GRIA3: variants seen among roughly 807,000 people sequenced by gnomAD.
GRIA3 encodes the protein glutamate receptor 3.
Under a neutral mutation model 63.0 loss-of-function variants are expected in GRIA3, and 3 were observed. The observed-to-expected ratio is 0.05, with a 90% CI of 0.02 to 0.12. The LOEUF is 0.12. Among genes scored for constraint, GRIA3 ranks in the 10% least tolerant of loss-of-function variants. The probability of loss-of-function intolerance (pLI) is 1.00; values close to 1 mark genes in which losing one functional copy is unlikely to be tolerated. For missense variants in GRIA3, 347 were observed against 700.9 expected, an observed-to-expected ratio of 0.50 and a Z score of 5.70; for synonymous variants, 274 against 257.9, an observed-to-expected ratio of 1.06 and a Z score of -0.60.
At chrX:123,400,707 T>C in intron 7 of GRIA3, among the ~76,000 whole-genome samples, 1 of 112,248 alleles carries the variant, frequency 8.9e-6, no homozygotes, top group East Asian at 2.8e-4. Flanking sequence ...CAGTAAATAT[T>C]TATTGAGCAC....
chrX:123,474,557 C>T (rs1001547363), intron 13 of GRIA3, among the ~76,000 whole-genome samples: 21 of 110,335 alleles, frequency 1.9e-4, no homozygotes, highest in Non-Finnish European at 4.0e-4. Context: ...GTGGCATGTG[C>T]CTGTAGTCTC....
intron 3 of GRIA3, among the ~76,000 whole-genome samples, chrX:123,309,917 A>G (rs2044779295): frequency 8.9e-6 from 1 of 111,858 alleles, no homozygotes; most frequent in South Asian, 3.8e-4. Context: ...CTTAATAAAT[A>G]CTTTCATCTT....
intron 12 of GRIA3, among the ~76,000 whole-genome samples, chrX:123,430,181 G>A (rs1247101476): frequency 8.9e-6 from 1 of 112,059 alleles, no homozygotes; most frequent in Non-Finnish European, 1.9e-5. Context: ...CATTCTGATT[G>A]GTTTGTGGTT....
In GRIA3 at chrX:123,184,603, T is replaced by C. The variant is rs1927197500; in HGVS notation, c.68T>C (p.Leu23Ser). ...RAVFFLVLGL[L>S]GHSHGGFPNT... Reference sequence around the variant, plus strand: ...GTCTTCTTTTTAGTCCTGGGGCTTTTGGGTCATTCTCACGGAGGATTCCCC... The same window carrying C: ...GTCTTCTTTTTAGTCCTGGGGCTTTCGGGTCATTCTCACGGAGGATTCCCC... Residue 23 changes from leucine (L) to serine (S), a missense_variant, in exon 1 of 16, where the codon TTG becomes TCG. Transcript: ENST00000620443. 3.3e-6 allele frequency: 4 copies of C among 1,207,950 alleles called. No homozygotes were observed. The East Asian group carries it at 1.2e-4, about 36-fold the overall frequency.
At chrX:123,337,240 C>T (rs2044980153) in intron 4 of GRIA3, among the ~76,000 whole-genome samples, 1 of 111,730 alleles carries the variant, frequency 9.0e-6, no homozygotes, top group South Asian at 3.9e-4. Flanking sequence ...TGAATACCAC[C>T]AAGAGAGTGG....
chrX:123,227,798 T>A (rs1431065884), intron 2 of GRIA3, among the ~76,000 whole-genome samples: 2 of 112,371 alleles, frequency 1.8e-5, no homozygotes, highest in Non-Finnish European at 1.9e-5. Flanking sequence ...AGTATTGAGA[T>A]GTGTAGTTTC....
At chrX:123,325,719 T>C (rs1286366402) in intron 3 of GRIA3, among the ~76,000 whole-genome samples, 1 of 112,161 alleles carries the variant, frequency 8.9e-6, no homozygotes, top group Non-Finnish European at 1.9e-5. Flanking sequence ...AAGAAGTTCT[T>C]GATTTTATTC....
intron 2 of GRIA3, among the ~76,000 whole-genome samples, chrX:123,198,371 AGTT>A (rs1927629815): frequency 8.9e-6 from 1 of 112,327 alleles, no homozygotes; most frequent in African/African-American, 3.2e-5. Context: ...TATCTTATAA[AGTT>A]GTTGTGAAGA....
At chrX:123,325,988 G>C in intron 3 of GRIA3, 38 bp from the exon 4 acceptor site, 8 of 1,130,621 alleles carry the variant, frequency 7.1e-6, no homozygotes, top group Non-Finnish European at 9.7e-6. Context: ...CCTACAGAAA[G>C]ATTTTTAAAT....
intron 4 of GRIA3, among the ~76,000 whole-genome samples, chrX:123,340,766 C>T (rs781185880): frequency 4.5e-5 from 5 of 112,081 alleles, no homozygotes; most frequent in Admixed American, 3.8e-4. Context: ...ATTTTACTCA[C>T]GGTACACACA....
chrX:123,352,014 C>A (rs1399593900), intron 4 of GRIA3, among the ~76,000 whole-genome samples: 1 of 111,703 alleles, frequency 9.0e-6, no homozygotes, highest in Non-Finnish European at 1.9e-5. Context: ...ACCTGAAAAA[C>A]AATGTCTCAA....
intron 4 of GRIA3, among the ~76,000 whole-genome samples, chrX:123,344,259 C>T (rs1344292295): frequency 1.8e-5 from 2 of 112,356 alleles, no homozygotes; most frequent in Non-Finnish European, 3.8e-5. Context: ...GTAGCAGATG[C>T]TGTTGGTGCC....
chrX:123,379,620 G>GTTTTT, intron 5 of GRIA3, among the ~76,000 whole-genome samples: 1 of 67,994 alleles, frequency 1.5e-5, no homozygotes, highest in Middle Eastern at 9.4e-3. Flanking sequence ...CTAGCAACTT[G>GTTTTT]TTTTTTTTTT....
At chrX:123,187,513 G>A (rs1035493852) in intron 2 of GRIA3, among the ~76,000 whole-genome samples, 1 of 111,965 alleles carries the variant, frequency 8.9e-6, no homozygotes, top group Non-Finnish European at 1.9e-5. Flanking sequence ...TTTACAACAC[G>A]CATCTGACTC....
At chrX:123,225,410 C>T (rs969676684) in intron 2 of GRIA3, among the ~76,000 whole-genome samples, 1 of 111,868 alleles carries the variant, frequency 8.9e-6, no homozygotes, top group African/African-American at 3.2e-5. Context: ...GCTAAATGGA[C>T]AGTTTCTTCC....
At chrX:123,476,442 A>G (rs1192431083) in intron 13 of GRIA3, among the ~76,000 whole-genome samples, 1 of 111,967 alleles carries the variant, frequency 8.9e-6, no homozygotes, top group Non-Finnish European at 1.9e-5. Flanking sequence ...AATAAGGTAC[A>G]GTAAGAAAGA....
At chrX:123,347,445 GA>G (rs2045058857) in intron 4 of GRIA3, among the ~76,000 whole-genome samples, 1 of 112,008 alleles carries the variant, frequency 8.9e-6, no homozygotes, top group Admixed American at 9.5e-5. Flanking sequence ...ACTTTTATTC[GA>G]AAATATAAAC....
intron 5 of GRIA3, among the ~76,000 whole-genome samples, chrX:123,377,325 C>G (rs1251058141): frequency 8.9e-6 from 1 of 111,869 alleles, no homozygotes; most frequent in African/African-American, 3.3e-5. Context: ...AGGCCGAAGT[C>G]TCTTTTGTAA....
At chrX:123,206,291 C>G (rs1927885499) in intron 2 of GRIA3, among the ~76,000 whole-genome samples, 1 of 111,959 alleles carries the variant, frequency 8.9e-6, no homozygotes, top group Admixed American at 9.5e-5. Flanking sequence ...GCTTTGCCTT[C>G]TCCATCTCTG....
Sources: gnomAD v4.1 joint callset for allele counts (sites outside exome capture counted in the v4.1 genomes callset) on GRCh38, gnomAD v4.1.1 for gene constraint, MANE v1.5 for transcripts, NCBI Gene and HGNC (gene_info 2026-07-23, HGNC 2026-07-21) for gene names.